The following TNS1 variants were observed in gnomAD, a reference collection of about 807,000 sequenced individuals.
TNS1 encodes tensin-1.
Under a neutral mutation model 168.6 loss-of-function variants are expected in TNS1, and 62 were observed. The ratio of observed to expected loss-of-function variants is 0.37; its 90% CI spans 0.30 to 0.45. TNS1 has a LOEUF of 0.45. Ranked by LOEUF, TNS1 falls within the 20% of genes least tolerant of loss-of-function variation. TNS1 has a pLI of 1.00. For missense variants in TNS1, 2,240 were observed against 2,339.4 expected (o/e 0.96, Z 0.88); for synonymous variants, 934 against 933.2 (o/e 1.00, Z -0.02).
At chr2:217,930,728 C>T (rs76495165) in intron 3 of TNS1, among the ~76,000 whole-genome samples, 3,150 of 152,208 alleles carry the variant, frequency 0.021, 111 homozygotes, top group African/African-American at 0.072. Flanking sequence ...CTGAGGCACG[C>T]GGCCGGAGGA....
chr2:217,993,479 C>G (rs895529183), intron 1 of TNS1, among the ~76,000 whole-genome samples: 1 of 152,224 alleles, frequency 6.6e-6, no homozygotes, highest in African/African-American at 2.4e-5. Context: ...TCTGCGGTAT[C>G]CCTGCCAGAA....
intron 1 of TNS1, chr2:218,009,984 G>A: frequency 2.5e-6 from 1 of 393,078 alleles, no homozygotes; most frequent in Non-Finnish European, 4.5e-6. Flanking sequence ...GAGGGTCCCT[G>A]AGAGTGGAGG....
At chr2:217,859,921 T>C (rs1185058696) in intron 18 of TNS1, among the ~76,000 whole-genome samples, 1 of 152,164 alleles carries the variant, frequency 6.6e-6, no homozygotes. Context: ...TTGTGACTTA[T>C]TTGCATATCA....
rs571034558 is a variant in TNS1 at position 217,920,842 on chromosome 2, T to C, written c.187-606A>G. 2.0e-5 allele frequency among the ~76,000 whole-genome samples: 3 copies of C among 152,238 alleles called. 1 individual carries two copies. The South Asian group carries it at 6.2e-4, about 32-fold the overall frequency. The stretch of plus-strand genomic sequence containing the variant: ...AGTGTGGCTAACACATGTGGAAGGC[T>C]TGGAGAGGCAGAAGCACTCTCTGGG... On this transcript the variant is annotated intron_variant, in intron 3 of 32. Transcript: ENST00000682258.
intron 8 of TNS1, among the ~76,000 whole-genome samples, chr2:217,895,365 C>A (rs1952183613): frequency 6.6e-6 from 1 of 152,202 alleles, no homozygotes; most frequent in Non-Finnish European, 1.5e-5. Context: ...AGGAACTCAA[C>A]TGTAGGTCCT....
chr2:217,949,179 T>C (rs2125971693), intron 3 of TNS1, among the ~76,000 whole-genome samples: 1 of 152,336 alleles, frequency 6.6e-6, no homozygotes, highest in South Asian at 2.1e-4. Context: ...AAATTCTCAG[T>C]CCCTCTTGGA....
rs1371673889 is a variant in TNS1, at chr2:217,880,282, CTAAAT to C, written c.1429+611_1429+615del. ...ATTTGACATAATGTTAGGTTTGTAG[CTAAAT>C]TAAACATGTATTAATTTCAATTCTG... On this transcript the variant is annotated intron_variant, in intron 18 of 32. Coordinates refer to ENST00000682258, the MANE Select transcript of TNS1 (RefSeq NM_001387777.1). The surrounding 1 kb of genome is among the most constrained non-coding windows in gnomAD (Gnocchi z 4.2). 6.6e-6 allele frequency among the ~76,000 whole-genome samples: 1 copy of C among 152,228 alleles called. No individual in the cohort carries two copies. Among genetic ancestry groups the C allele is most frequent in the African/African-American group, 2.4e-5 (1 of 41,458 alleles).
chr2:217,886,498 G>A (rs1490295788), intron 13 of TNS1, 36 bp downstream of exon 13: 3 of 1,497,734 alleles, frequency 2.0e-6, no homozygotes, highest in Non-Finnish European at 2.7e-6. Context: ...GGGAGGAGTT[G>A]GCAAGGGTGG....
At chr2:217,808,480 C>T (rs1939667926) in intron 31 of TNS1, 123 bp downstream of exon 31, 1 of 990,890 alleles carries the variant, frequency 1.0e-6, no homozygotes, top group Non-Finnish European at 1.6e-6. Context: ...GGCAGACCTT[C>T]CAGCTGAATG....
In TNS1 at chr2:217,934,255, A is replaced by T. The variant is rs192281040; in HGVS notation, c.187-14019T>A. Among the ~76,000 whole-genome samples the T allele has an allele frequency of 7.2e-5, 11 of 152,274 alleles. No individual in the cohort carries two copies. In the East Asian group the frequency reaches 2.1e-3, roughly 29 times the overall value. On this transcript the variant is annotated intron_variant, in intron 3 of 32. Transcript: ENST00000682258. The stretch of plus-strand genomic sequence containing the variant: ...GATGGAGCTGAGGGGGTGTGAAGGC[A>T]TAGGTGATGGGAGGGGCTGATCCAG...
intron 2 of TNS1, among the ~76,000 whole-genome samples, chr2:217,984,822 C>A (rs1420682897): frequency 4.0e-5 from 6 of 149,278 alleles, no homozygotes; most frequent in African/African-American, 1.2e-4. Context: ...TTGGCATGTT[C>A]TCGGCTCACT....
intron 6 of TNS1, among the ~76,000 whole-genome samples, chr2:217,902,956 C>G (rs1953193158): frequency 6.6e-6 from 1 of 152,188 alleles, no homozygotes; most frequent in Non-Finnish European, 1.5e-5. Flanking sequence ...AGACAGAACT[C>G]AGAGAACAAC....
At chr2:217,884,321 GA>G (rs1210460278) in intron 16 of TNS1, among the ~76,000 whole-genome samples, 16 of 152,146 alleles carry the variant, frequency 1.1e-4, no homozygotes, top group Non-Finnish European at 2.1e-4. Flanking sequence ...ACGGATGGAT[GA>G]ATGGATGGAT....
At chr2:217,980,716 C>A (rs1958027287) in intron 2 of TNS1, among the ~76,000 whole-genome samples, 1 of 152,106 alleles carries the variant, frequency 6.6e-6, no homozygotes, top group African/African-American at 2.4e-5. Context: ...AAAAAGGCAT[C>A]TCTAAGCATC....
chr2:217,885,863 G>C lies in TNS1; in HGVS notation c.1041-44C>G, dbSNP rs755630882. On this transcript the variant is annotated intron_variant, in intron 14 of 32. Coordinates refer to ENST00000682258, the MANE Select transcript of TNS1 (RefSeq NM_001387777.1). Reference sequence around the variant, plus strand: ...CAGAAAAAGAGTGGGCTGCTGGAGGGGAGATGAGGGAGGGGCATTTTCTCC... The same window carrying C: ...CAGAAAAAGAGTGGGCTGCTGGAGGCGAGATGAGGGAGGGGCATTTTCTCC... The C allele has an allele frequency of 5.6e-6, 9 of 1,600,804 alleles. No homozygotes were observed. In the South Asian group the frequency reaches 7.7e-5, roughly 14 times the overall value.
At chr2:217,908,830 C>T (rs946945423) in intron 4 of TNS1, among the ~76,000 whole-genome samples, 2 of 152,122 alleles carry the variant, frequency 1.3e-5, no homozygotes, top group African/African-American at 4.8e-5. Context: ...CAGGGGCCAA[C>T]CCCTCCCACA....
chr2:217,991,187 A>G, intron 1 of TNS1, 131 bp from the exon 2 acceptor site: 1 of 448,570 alleles, frequency 2.2e-6, no homozygotes, highest in East Asian at 3.2e-5. Context: ...GGTCCAGAGG[A>G]GGGAGGAGGG....
intron 1 of TNS1, among the ~76,000 whole-genome samples, chr2:217,998,608 C>T (rs1958509884): frequency 6.6e-6 from 1 of 152,222 alleles, no homozygotes; most frequent in African/African-American, 2.4e-5. Flanking sequence ...TCAAGTGATC[C>T]TTCCACCTCA....
At chr2:217,953,977 C>A (rs1356587479) in intron 3 of TNS1, among the ~76,000 whole-genome samples, 1 of 152,152 alleles carries the variant, frequency 6.6e-6, no homozygotes, top group East Asian at 1.9e-4. Context: ...ATCAGGGGAA[C>A]CCAAAACCAG....
Sources: allele counts gnomAD v4.1 joint callset (sites outside exome capture counted in the v4.1 genomes callset), GRCh38; gene constraint gnomAD v4.1.1; non-coding constraint Gnocchi (gnomAD v3.1); transcripts MANE v1.5; gene names NCBI Gene and HGNC (gene_info 2026-07-23, HGNC 2026-07-21).